Variants in POLE observed in about 807,000 individuals in gnomAD.
POLE encodes DNA polymerase epsilon catalytic subunit A.
In POLE, 188 loss-of-function variants were observed where a neutral mutation model predicts 279.2. That is an observed-to-expected ratio of 0.67 (90% confidence interval 0.60 to 0.76). The LOEUF is 0.76. POLE is among the 30% of genes least tolerant of loss of function. The pLI, the probability that POLE is intolerant of heterozygous loss-of-function variation, is 0.00. For missense variants in POLE, 2,703 were observed against 3,016.7 expected (o/e 0.90, Z 2.44); for synonymous variants, 1,214 against 1,172.5 (o/e 1.04, Z -0.72).
intron 32 of POLE, among the ~76,000 whole-genome samples, chr12:132,644,466 T>C (rs371908144): frequency 6.6e-6 from 1 of 152,098 alleles, no homozygotes; most frequent in Admixed American, 6.5e-5. Flanking sequence ...GGACGCAATT[T>C]TGAAAAGCAA....
intron 3 of POLE, 63 bp from the exon 4 acceptor site, chr12:132,680,285 A>AAC: frequency 2.1e-6 from 3 of 1,453,906 alleles, no homozygotes; most frequent in Non-Finnish European, 2.9e-6. Context: ...GAAAAGTGAA[A>AAC]ACACATTGCT....
intron 45 of POLE, among the ~76,000 whole-genome samples, chr12:132,630,088 G>A (rs746757823): frequency 3.1e-4 from 47 of 152,304 alleles, no homozygotes; most frequent in African/African-American, 8.9e-4. Flanking sequence ...TCTTCTATGC[G>A]CACGGTTCAT....
At chr12:132,629,086 C>A (rs2041889075) in intron 45 of POLE, among the ~76,000 whole-genome samples, 1 of 152,350 alleles carries the variant, frequency 6.6e-6, no homozygotes, top group Middle Eastern at 3.4e-3. Context: ...GTCGAAATTG[C>A]TCCTTGATCC....
rs1034844602 is a variant in POLE at position 132,631,320 on chromosome 12, C to T, written c.6330+995G>A. Reference sequence around the variant, plus strand: ...GGGCAGTGCGGGGAATGTTTTCGGGCGGTGACTATCCTGTATCCTGCTGAT... The same window carrying T: ...GGGCAGTGCGGGGAATGTTTTCGGGTGGTGACTATCCTGTATCCTGCTGAT... On this transcript the variant is annotated intron_variant, in intron 45 of 48. Transcript: ENST00000320574. 1.4e-4 allele frequency among the ~76,000 whole-genome samples: 22 copies of T among 152,244 alleles called. No homozygotes were observed. In the South Asian group the frequency reaches 2.9e-3, roughly 20 times the overall value.
At position 132,655,145 on chromosome 12, in the gene POLE, C is replaced by G. The variant is rs1396329608; in HGVS notation, c.3582+1991G>C. Among the ~76,000 whole-genome samples, 3 of 152,178 alleles carry G rather than the reference C, an allele frequency of 2.0e-5. No homozygotes were observed. In the East Asian group the frequency reaches 5.8e-4, roughly 29 times the overall value. Reference sequence around the variant, plus strand: ...GTTCTCTAACTTTTTCAGTTGGAAACTTAATTTTCTATTTGTTTTTCTTTA... The same window carrying G: ...GTTCTCTAACTTTTTCAGTTGGAAAGTTAATTTTCTATTTGTTTTTCTTTA... On this transcript the variant is annotated intron_variant, in intron 29 of 48. Coordinates refer to ENST00000320574, the MANE Select transcript of POLE (RefSeq NM_006231.4).
chr12:132,685,833 A>G (rs2043246803), intron 1 of POLE, among the ~76,000 whole-genome samples: 1 of 151,950 alleles, frequency 6.6e-6, no homozygotes, highest in African/African-American at 2.4e-5. Context: ...AATTTTGTTC[A>G]GCTAAGTGTC....
rs56081968 is a variant in POLE at position 132,661,094 on chromosome 12, G to A, written c.2935C>T (p.Leu979=). 734 of 1,613,864 alleles carry A rather than the reference G, an allele frequency of 4.5e-4. 11 individuals carry two copies. The East Asian group carries it at 0.016, about 36-fold the overall frequency. The change falls in exon 25 of 49, where the codon CTG becomes TTG. Residue 979 remains leucine, a synonymous_variant. Transcript: ENST00000320574. This position sits in a 1 kb window ranked among gnomAD's most constrained non-coding sequence, Gnocchi z 4.1. The part of the protein sequence containing the change: ...KGFEVKRRGE[L]QLIKIFQSSV... ...GATTGGAAGATCTTAATCAGCTGCAGTTCCCCGCGGCGTTTGACCTCAAAG... is the reference window on the plus strand; with the variant it reads ...GATTGGAAGATCTTAATCAGCTGCAATTCCCCGCGGCGTTTGACCTCAAAG...
At position 132,625,645 on chromosome 12, in the gene POLE, C is replaced by G. The variant is rs759247289; in HGVS notation, c.6657G>C (p.Leu2219=). Residue 2219 remains leucine (L), a splice_region_variant and synonymous_variant, in exon 47 of 49, where the codon CTG becomes CTC. Transcript: ENST00000320574. ...CGGGCAGGCGGCATGCACGACTCACCAGGTCCTGCAGGGTGAAGGCCATCA... is the reference window on the plus strand; with the variant it reads ...CGGGCAGGCGGCATGCACGACTCACGAGGTCCTGCAGGGTGAAGGCCATCA... ...KKLMAFTLQD[L]VCLKCRGVKE... The G allele has an allele frequency of 6.2e-7, 1 of 1,613,432 alleles. No individual in the cohort carries two copies. The highest frequency in any genetic ancestry group is 8.5e-7 in the Non-Finnish European group (1 of 1,179,990).
intron 45 of POLE, among the ~76,000 whole-genome samples, chr12:132,627,955 T>G (rs1340701325): frequency 6.6e-6 from 1 of 152,152 alleles, no homozygotes; most frequent in Non-Finnish European, 1.5e-5. Flanking sequence ...AAAATTGGAG[T>G]CGGTCCTCTC....
chr12:132,647,498 T>C (rs1593744969), intron 32 of POLE, among the ~76,000 whole-genome samples: 2 of 149,972 alleles, frequency 1.3e-5, no homozygotes, highest in South Asian at 2.1e-4. Context: ...TTTTAAGGAA[T>C]AGAGTTCATT....
At chr12:132,680,472 G>C (rs1267938178) in intron 3 of POLE, 135 bp downstream of exon 3, 2 of 719,756 alleles carry the variant, frequency 2.8e-6, no homozygotes, top group African/African-American at 3.5e-5. Flanking sequence ...TGACTGATGG[G>C]GCCTCCAGGG....
At chr12:132,659,658 A>G (rs1259725923) in intron 25 of POLE, 149 bp from the exon 26 acceptor site, 12 of 625,078 alleles carry the variant, frequency 1.9e-5, no homozygotes. Flanking sequence ...CCTGTGTGGC[A>G]ATACTTTAAA....
intron 6 of POLE, 106 bp from the exon 7 acceptor site, chr12:132,677,825 GAA>G: frequency 9.2e-7 from 1 of 1,086,140 alleles, no homozygotes; most frequent in Admixed American, 2.2e-5. Flanking sequence ...TCAAACCGAG[GAA>G]ACACAAAAGG....
At chr12:132,677,253 G>A in intron 8 of POLE, 110 bp downstream of exon 8, 5 of 801,536 alleles carry the variant, frequency 6.2e-6, no homozygotes, top group Non-Finnish European at 6.6e-6. Context: ...AAGTATTTGG[G>A]GGAAAAGCAG....
chr12:132,676,639 C>G lies in POLE; in HGVS notation c.816G>C (p.Leu272Phe). Residue 272 changes from leucine to phenylalanine, a missense_variant, in exon 9 of 49, where the codon TTG becomes TTC. Leu to Phe is a conservative substitution (Grantham distance 22, BLOSUM62 0). This residue lies in a region of POLE where 1,011 missense variants were observed against 1,111.7 expected (regional missense o/e 0.91). Coordinates refer to ENST00000320574, the MANE Select transcript of POLE (RefSeq NM_006231.4). ...GTTTGGTCGTCTCAATGTCAAATGC[C>G]AAAACCACAGGGTCCTGTGGGGACA... ...DLVERPDPVV[L>F]AFDIETTKLP... is the part of the protein sequence containing the mutation. The G allele has an allele frequency of 6.2e-7, 1 of 1,612,192 alleles. No homozygotes were observed. Among genetic ancestry groups the G allele is most frequent in the South Asian group, 1.1e-5 (1 of 91,024 alleles).
At chr12:132,678,943 T>C (rs1419055917) in intron 6 of POLE, among the ~76,000 whole-genome samples, 5 of 152,220 alleles carry the variant, frequency 3.3e-5, no homozygotes, top group African/African-American at 7.2e-5. Context: ...GTAGGGACTG[T>C]AGAAATGTTC....
At position 132,677,362 on chromosome 12, in the gene POLE, C is replaced by T. The variant is rs1593080932; in HGVS notation, c.801+1G>A. Reference sequence around the variant, plus strand: ...ATGAAGGTAACACAAGCAAAACTTACAGGTCGTTCAACAAGGTCATCTCGG... The same window carrying T: ...ATGAAGGTAACACAAGCAAAACTTATAGGTCGTTCAACAAGGTCATCTCGG... On this transcript the variant is annotated splice_donor_variant, in intron 8 of 48. Coordinates refer to ENST00000320574, the MANE Select transcript of POLE (RefSeq NM_006231.4). LOFTEE classifies it high-confidence loss of function. 2 of 1,612,372 alleles carry T rather than the reference C, an allele frequency of 1.2e-6. No homozygotes were observed. The highest frequency in any genetic ancestry group is 1.1e-5 in the South Asian group (1 of 91,056).
chr12:132,676,683 G>T, intron 8 of POLE, 30 bp from the exon 9 acceptor site: 1 of 1,416,110 alleles, frequency 7.1e-7, no homozygotes, highest in Non-Finnish European at 1.0e-6. Flanking sequence ...ATAAAGCCAA[G>T]CTCTAAACTC....
chr12:132,679,507 G>C lies in POLE; in HGVS notation c.568C>G (p.Leu190Val), dbSNP rs776647660. Residue 190 changes from leucine to valine, a missense_variant, in exon 6 of 49, where the codon CTG becomes GTG. Around this residue, in one of 5 missense-constraint regions of POLE, gnomAD observed 1,011 missense variants for 1,111.7 expected, o/e 0.91. Coordinates refer to ENST00000320574, the MANE Select transcript of POLE (RefSeq NM_006231.4). ...QDHASDAYTALLSSVLQRGGV... is the reference protein window; with the variant it reads ...QDHASDAYTAVLSSVLQRGGV... Reference sequence around the variant, plus strand: ...AAGACCAAAGTTTACCTGGAAAGCAGAGCTGTGTACGCGTCGCTGGCGTGA... The same window carrying C: ...AAGACCAAAGTTTACCTGGAAAGCACAGCTGTGTACGCGTCGCTGGCGTGA... 4 of 1,607,884 alleles carry C rather than the reference G, an allele frequency of 2.5e-6. No homozygotes were observed. The highest frequency in any genetic ancestry group is 3.4e-6 in the Non-Finnish European group (4 of 1,175,014).
Sources: allele counts gnomAD v4.1 joint callset (sites outside exome capture counted in the v4.1 genomes callset), GRCh38; gene constraint gnomAD v4.1.1; regional missense constraint gnomAD v4.1.1; non-coding constraint Gnocchi (gnomAD v3.1); transcripts MANE v1.5; gene names NCBI Gene and HGNC (gene_info 2026-07-23, HGNC 2026-07-21).